S100A5: variants seen among roughly 807,000 people sequenced by gnomAD.
S100A5 encodes S100 calcium binding protein A5, also known as protein S100-A5.
S100A5 carries 5 observed loss-of-function variants against 6.7 expected under a neutral mutation model. That is an observed-to-expected ratio of 0.75 (90% CI 0.39 to 1.57). The LOEUF is 1.57. S100A5 is among the 40% of genes most tolerant of loss of function. The pLI is 0.03. For synonymous variants in S100A5, 49 were observed against 44.9 expected (o/e 1.09, Z -0.37); for missense variants, 129 against 110.8 (o/e 1.16, Z -0.74).
chr1:153,541,472 C>T, upstream of S100A5: 1 of 1,367,112 alleles, frequency 7.3e-7, no homozygotes, highest in Non-Finnish European at 9.8e-7. Context: ...ATCTCTGTCC[C>T]TAGGAATCCA....
At chr1:153,542,676 C>T (rs912306741), upstream of S100A5, among the ~76,000 whole-genome samples, 3 of 152,178 alleles carry the variant, frequency 2.0e-5, no homozygotes, top group African/African-American at 7.2e-5. Flanking sequence ...CTGAGTCACC[C>T]AGACATGGCC....
chr1:153,538,107 G>A (rs1167796928), intron 2 of S100A5, among the ~76,000 whole-genome samples: 3 of 152,076 alleles, frequency 2.0e-5, no homozygotes, highest in East Asian at 1.9e-4. Flanking sequence ...AAGTCTCTGA[G>A]TGACTCTCTC....
intron 1 of S100A5, among the ~76,000 whole-genome samples, 197 bp from the exon 2 acceptor site, chr1:153,540,402 G>A (rs1665348052): frequency 6.6e-6 from 1 of 152,186 alleles, no homozygotes; most frequent in African/African-American, 2.4e-5. Context: ...CTGGTACAAG[G>A]AGAACAGCAA....
At chr1:153,541,416 A>T (rs1184729384), upstream of S100A5, 1 of 1,367,696 alleles carries the variant, frequency 7.3e-7, no homozygotes, top group African/African-American at 1.5e-5. Flanking sequence ...GAATCCAAGC[A>T]GCAGGCATAG....
chr1:153,542,569 T>A (rs932212501), upstream of S100A5, among the ~76,000 whole-genome samples: 14 of 152,040 alleles, frequency 9.2e-5, no homozygotes, highest in Admixed American at 2.0e-4. Context: ...AAAAGCCCCA[T>A]GTGATGAGAG....
chr1:153,538,300 C>T lies in S100A5; in HGVS notation c.139-864G>A, dbSNP rs144441994. Among the ~76,000 whole-genome samples the T allele has an allele frequency of 1.6e-3, 240 of 152,250 alleles. 2 individuals are homozygous for T. The highest frequency in any genetic ancestry group is 0.01 in the Middle Eastern group (3 of 292). ...ATGTCCCAGCCTGGCTCCATTAGGACGATGGAGTCAGGGTCCTTTGGGTGG... is the reference window on the plus strand; with the variant it reads ...ATGTCCCAGCCTGGCTCCATTAGGATGATGGAGTCAGGGTCCTTTGGGTGG... On this transcript the variant is annotated intron_variant, in intron 2 of 2. Coordinates refer to ENST00000368717, the MANE Select transcript of S100A5 (RefSeq NM_001394232.1).
intron 2 of S100A5, among the ~76,000 whole-genome samples, chr1:153,538,602 G>A (rs533511972): frequency 3.5e-4 from 53 of 152,298 alleles, no homozygotes; most frequent in Admixed American, 1.0e-3. Context: ...CAGGCCTGGG[G>A]ACGCCCATAC....
upstream of S100A5, chr1:153,543,119 G>A (rs1265301259): frequency 5.2e-6 from 3 of 576,254 alleles, no homozygotes; most frequent in Non-Finnish European, 6.6e-6. Flanking sequence ...CTGGAAGTGG[G>A]TGGCAGGACA....
chr1:153,537,928 TC>T (rs1665238478), intron 2 of S100A5, among the ~76,000 whole-genome samples: 1 of 152,016 alleles, frequency 6.6e-6, no homozygotes, highest in Non-Finnish European at 1.5e-5. Context: ...ATCCCTGTAA[TC>T]CCAGCTATTT....
intron 2 of S100A5, among the ~76,000 whole-genome samples, chr1:153,539,251 C>T (rs1665287934): frequency 6.6e-6 from 1 of 150,852 alleles, no homozygotes. Context: ...CATGGTGAAA[C>T]CCCCATCTCT....
upstream of S100A5, chr1:153,541,317 T>C: frequency 7.8e-7 from 1 of 1,280,562 alleles, no homozygotes; most frequent in Non-Finnish European, 1.1e-6. Flanking sequence ...CCACCACTTG[T>C]CACCCTCATC....
intron 2 of S100A5, among the ~76,000 whole-genome samples, chr1:153,539,450 A>AAAAAAAAAT (rs1553214691): frequency 3.2e-5 from 1 of 31,194 alleles, no homozygotes; most frequent in African/African-American, 1.1e-4. Context: ...AAAAAAAAAA[A>AAAAAAAAAT]ATATATATAT....
At chr1:153,542,546 T>C (rs1665422405), upstream of S100A5, among the ~76,000 whole-genome samples, 1 of 152,150 alleles carries the variant, frequency 6.6e-6, no homozygotes, top group Non-Finnish European at 1.5e-5. Context: ...CCCACTCCTC[T>C]GAAACCTGAG....
upstream of S100A5, among the ~76,000 whole-genome samples, chr1:153,542,422 G>A (rs762829): frequency 2.0e-5 from 3 of 152,200 alleles, no homozygotes; most frequent in Admixed American, 6.5e-5. Flanking sequence ...CAGGGAGGGC[G>A]CTCCCAGGGA....
upstream of S100A5, among the ~76,000 whole-genome samples, chr1:153,541,162 A>T: frequency 6.6e-6 from 1 of 151,990 alleles, no homozygotes; most frequent in Non-Finnish European, 1.5e-5. Flanking sequence ...AAGGCAAGGG[A>T]CTCTGTGCAC....
Position 153,537,155 on chromosome 1 carries a change from C to T in S100A5, c.*141G>A. The T allele has an allele frequency of 4.2e-6, 4 of 959,708 alleles. No homozygotes were observed. The highest frequency in any genetic ancestry group is 2.6e-5 in the East Asian group (1 of 38,828). The allele number at this position is 959,708 out of a possible 1,614,324, so 59.4% of individuals were successfully genotyped here. A position where few individuals can be genotyped will look rare whatever the true frequency, so the allele number is the denominator to read the frequency against. On this transcript the variant is annotated 3_prime_UTR_variant, in exon 3 of 3. Transcript: ENST00000368717. ...CAGCTTCAAAACCAGACTCCCAGCA[C>T]CTGCGATGGAAACTTTATTTCCTCC...
upstream of S100A5, among the ~76,000 whole-genome samples, chr1:153,542,647 A>C (rs1571236265): frequency 6.6e-6 from 1 of 151,924 alleles, no homozygotes; most frequent in Non-Finnish European, 1.5e-5. Context: ...ACCTCCATGC[A>C]CCTCTTCCTA....
At chr1:153,539,439 AAAAAAAAAAAAAT>A (rs1397972665) in intron 2 of S100A5, among the ~76,000 whole-genome samples, 8 of 112,346 alleles carry the variant, frequency 7.1e-5, no homozygotes, top group African/African-American at 3.1e-4. Flanking sequence ...AAAAAAAAAA[AAAAAAAAAAAAAT>A]ATATATATAT....
intron 2 of S100A5, among the ~76,000 whole-genome samples, chr1:153,538,879 A>T (rs1665276545): frequency 6.6e-6 from 1 of 152,190 alleles, no homozygotes; most frequent in Non-Finnish European, 1.5e-5. Flanking sequence ...CTGTAATTTC[A>T]GCACTTTGGG....
Sources: allele counts gnomAD v4.1 joint callset (sites outside exome capture counted in the v4.1 genomes callset), GRCh38; gene constraint gnomAD v4.1.1; transcripts MANE v1.5; gene names NCBI Gene and HGNC (gene_info 2026-07-23, HGNC 2026-07-21).